Variants in CDH11 observed in about 807,000 individuals in gnomAD.
The protein encoded by CDH11 is cadherin 11.
Under a neutral mutation model 67.8 loss-of-function variants are expected in CDH11, and 11 were observed. The observed-to-expected ratio is 0.16, with a 90% CI of 0.10 to 0.27. The LOEUF is 0.27. CDH11 is among the 10% of genes least tolerant of loss of function. The probability of loss-of-function intolerance (pLI) is 1.00; values close to 1 mark genes in which losing one functional copy is unlikely to be tolerated. For synonymous variants in CDH11, 419 were observed against 400.0 expected (o/e 1.05, Z -0.57); for missense variants, 847 against 1,031.2 (o/e 0.82, Z 2.45).
intron 2 of CDH11, among the ~76,000 whole-genome samples, chr16:65,042,214 G>A (rs1234781066): frequency 1.3e-5 from 2 of 152,224 alleles, no homozygotes; most frequent in Non-Finnish European, 2.9e-5. Context: ...AAACTTCACA[G>A]GGCTTAGAAT....
chr16:64,971,822 C>A (rs2142427057), intron 10 of CDH11, 109 bp downstream of exon 10: 1 of 1,417,712 alleles, frequency 7.1e-7, no homozygotes, highest in East Asian at 2.3e-5. Context: ...AAAACTATGG[C>A]TCTGAAACCT....
chr16:65,102,986 A>T (rs1304251623), intron 1 of CDH11, among the ~76,000 whole-genome samples: 1 of 152,208 alleles, frequency 6.6e-6, no homozygotes, highest in Non-Finnish European at 1.5e-5. Context: ...CAACAACTGC[A>T]ACCTGGAGCC....
chr16:65,087,941 TTAAA>T (rs1444992910), intron 1 of CDH11, among the ~76,000 whole-genome samples: 4 of 152,276 alleles, frequency 2.6e-5, no homozygotes, highest in African/African-American at 4.8e-5. Flanking sequence ...GCAAAATAAA[TTAAA>T]TAAAGTTGGC....
In CDH11 at chr16:65,045,524, T is replaced by A. The variant is rs1245741724; in HGVS notation, c.-173+8280A>T. Among the ~76,000 whole-genome samples the A allele has an allele frequency of 3.3e-5, 5 of 151,766 alleles. No homozygotes were observed. The East Asian group carries it at 9.7e-4, about 30-fold the overall frequency. On this transcript the variant is annotated intron_variant, in intron 2 of 12. Coordinates refer to ENST00000268603, the MANE Select transcript of CDH11 (RefSeq NM_001797.4). ...AGGTGTCTGGCTACAGTCTTCTAGA[T>A]CCTCAGCAGACACAATTAATTGGTG...
At chr16:65,116,118 A>G (rs2075241092) in intron 1 of CDH11, among the ~76,000 whole-genome samples, 1 of 152,204 alleles carries the variant, frequency 6.6e-6, no homozygotes, top group African/African-American at 2.4e-5. Flanking sequence ...AGCCTCTAGC[A>G]TGATGAAAAC....
At chr16:64,950,633 CACTT>C in intron 12 of CDH11, 130 bp downstream of exon 12, 1 of 1,101,666 alleles carries the variant, frequency 9.1e-7, no homozygotes, top group Non-Finnish European at 1.3e-6. Flanking sequence ...CCCCGTACCC[CACTT>C]CTTTTCTTGA....
chr16:65,018,879 A>G (rs74505623), intron 2 of CDH11, among the ~76,000 whole-genome samples: 1 of 152,182 alleles, frequency 6.6e-6, no homozygotes, highest in South Asian at 2.1e-4. Flanking sequence ...GATGAAAGCA[A>G]CACACCATTG....
intron 8 of CDH11, among the ~76,000 whole-genome samples, chr16:64,975,073 C>A (rs997643073): frequency 1.3e-5 from 2 of 152,122 alleles, no homozygotes; most frequent in Admixed American, 6.5e-5. Context: ...GCCTCAGGCT[C>A]CTGGGTAGCT....
chr16:64,968,182 C>T (rs2071893970), intron 11 of CDH11, among the ~76,000 whole-genome samples: 2 of 152,094 alleles, frequency 1.3e-5, no homozygotes, highest in African/African-American at 2.4e-5. Flanking sequence ...ATCACTGACC[C>T]TTCTGATGTC....
chr16:64,992,479 A>G (rs939745164), intron 5 of CDH11, among the ~76,000 whole-genome samples: 1 of 152,260 alleles, frequency 6.6e-6, no homozygotes, highest in African/African-American at 2.4e-5. Flanking sequence ...ACGGAAAACA[A>G]TGATAAATTA....
chr16:64,948,430 T>A, intron 12 of CDH11: 1 of 646,494 alleles, frequency 1.5e-6, no homozygotes, highest in South Asian at 1.9e-5. Flanking sequence ...GTCTGTAGTC[T>A]CTTAGAAGTG....
chr16:65,107,336 A>G (rs557902244), intron 1 of CDH11, among the ~76,000 whole-genome samples: 2 of 152,328 alleles, frequency 1.3e-5, no homozygotes, highest in South Asian at 4.1e-4. Flanking sequence ...ATTGACTGAG[A>G]TAATTCATGG....
At chr16:65,041,766 C>T (rs1445297739) in intron 2 of CDH11, among the ~76,000 whole-genome samples, 1 of 152,210 alleles carries the variant, frequency 6.6e-6, no homozygotes, top group African/African-American at 2.4e-5. Flanking sequence ...CCCCAATTTT[C>T]CAGAGTATTA....
chr16:65,102,794 C>T (rs1567580443), intron 1 of CDH11, among the ~76,000 whole-genome samples: 1 of 152,162 alleles, frequency 6.6e-6, no homozygotes, highest in Non-Finnish European at 1.5e-5. Flanking sequence ...TGGCCATCCT[C>T]TTAATATGGA....
rs778089825 is a variant in CDH11, at chr16:64,945,061, T to C, written c.*2542A>G. 25 of 206,202 alleles carry C rather than the reference T, an allele frequency of 1.2e-4. No homozygotes were observed. Among genetic ancestry groups the C allele is most frequent in the Non-Finnish European group, 2.1e-4 (21 of 100,876 alleles). 12.8% of individuals were successfully genotyped at this position (206,202 alleles called of 1,614,324 possible). A position where few individuals can be genotyped will look rare whatever the true frequency, so the allele number is the denominator to read the frequency against. ...AATGAATGAATCAATGAATGAATGA[T>C]GACTAGAAACAATAACCATTACTTG... On this transcript the variant is annotated 3_prime_UTR_variant, in exon 13 of 13. Transcript: ENST00000268603.
chr16:65,013,395 G>C (rs1179809000), intron 2 of CDH11, among the ~76,000 whole-genome samples: 1 of 152,158 alleles, frequency 6.6e-6, no homozygotes, highest in Non-Finnish European at 1.5e-5. Flanking sequence ...GGTAAGGAGT[G>C]TCAGCTCTTA....
intron 1 of CDH11, among the ~76,000 whole-genome samples, chr16:65,102,632 T>G (rs1284570809): frequency 6.6e-6 from 1 of 152,262 alleles, no homozygotes; most frequent in East Asian, 1.9e-4. Flanking sequence ...TCTTGAGATT[T>G]ATCCTTTCCA....
At chr16:65,104,154 G>A (rs1446822154) in intron 1 of CDH11, among the ~76,000 whole-genome samples, 1 of 152,136 alleles carries the variant, frequency 6.6e-6, no homozygotes, top group Non-Finnish European at 1.5e-5. Flanking sequence ...GATTCCTGCT[G>A]GGAAGGAAAG....
intron 1 of CDH11, among the ~76,000 whole-genome samples, chr16:65,099,005 C>T (rs564042517): frequency 1.3e-5 from 2 of 152,234 alleles, no homozygotes; most frequent in South Asian, 2.1e-4. Context: ...TACAGATGTG[C>T]TTTGTAACCG....
Sources: gnomAD v4.1 joint callset for allele counts (sites outside exome capture counted in the v4.1 genomes callset) on GRCh38, gnomAD v4.1.1 for gene constraint, MANE v1.5 for transcripts, NCBI Gene and HGNC (gene_info 2026-07-23, HGNC 2026-07-21) for gene names.